Variants in CGAS observed in about 807,000 individuals in gnomAD.
CGAS encodes the protein cyclic GMP-AMP synthase.
In CGAS, 31 loss-of-function variants were observed where a neutral mutation model predicts 34.0. That is an observed-to-expected ratio of 0.91 (90% CI 0.69 to 1.23). The LOEUF is 1.23. Ranked by LOEUF, CGAS falls within the 50% of genes most tolerant of loss-of-function variation. The pLI is 0.00. For missense variants in CGAS, 597 were observed against 657.6 expected, an observed-to-expected ratio of 0.91 and a Z score of 1.01; for synonymous variants, 266 against 260.0, an observed-to-expected ratio of 1.02 and a Z score of -0.22.
At chr6:73,446,824 G>A (rs546625495) in intron 1 of CGAS, among the ~76,000 whole-genome samples, 1 of 151,334 alleles carries the variant, frequency 6.6e-6, no homozygotes, top group South Asian at 2.1e-4. Flanking sequence ...TTGGGAGGAC[G>A]AGGCAGGCGA....
chr6:73,437,840 G>T (rs1439597626), intron 3 of CGAS, among the ~76,000 whole-genome samples: 1 of 152,054 alleles, frequency 6.6e-6, no homozygotes, highest in African/African-American at 2.4e-5. Context: ...GATGGAGATG[G>T]GTGGATCACC....
intron 4 of CGAS, among the ~76,000 whole-genome samples, chr6:73,426,712 C>T (rs1313367546): frequency 1.3e-5 from 2 of 151,736 alleles, no homozygotes; most frequent in Non-Finnish European, 2.9e-5. Context: ...TTCTAAAATC[C>T]ACTGATTGTA....
Position 73,424,127 on chromosome 6 carries a change from T to C in CGAS, c.*1100A>G, listed in dbSNP as rs1177045269. 6.6e-6 allele frequency: 1 copy of C among 152,190 alleles called. No homozygotes were observed. Among genetic ancestry groups the C allele is most frequent in the Non-Finnish European group, 1.5e-5 (1 of 68,048 alleles). 9.4% of individuals were successfully genotyped at this position (152,190 alleles called of 1,614,324 possible). A position where few individuals can be genotyped will look rare whatever the true frequency, so the allele number is the denominator to read the frequency against. On this transcript the variant is annotated 3_prime_UTR_variant, in exon 5 of 5. Transcript: ENST00000370315. ...ACGTATATTAAAATAAAGTATCTTA[T>C]GTTTTCTTTTAAGATTATGTATTTC... is the stretch of plus-strand genomic sequence containing the variant.
At chr6:73,443,325 C>T (rs1391945079) in intron 2 of CGAS, among the ~76,000 whole-genome samples, 3 of 150,884 alleles carry the variant, frequency 2.0e-5, no homozygotes, top group African/African-American at 7.3e-5. Context: ...CTGCAACCTC[C>T]GCCTTCTGGG....
chr6:73,429,655 C>T (rs311671), intron 3 of CGAS, among the ~76,000 whole-genome samples: 78,503 of 151,294 alleles, frequency 0.52, 22,393 homozygotes, highest in Non-Finnish European at 0.66. Context: ...TGAAACCCTG[C>T]CTCTACCAAA....
chr6:73,436,335 C>T (rs1384565642), intron 3 of CGAS, among the ~76,000 whole-genome samples: 2 of 149,526 alleles, frequency 1.3e-5, no homozygotes, highest in African/African-American at 4.9e-5. Context: ...TTTTACCTGA[C>T]TTCTTTATCT....
chr6:73,445,459 A>G, intron 2 of CGAS, 69 bp downstream of exon 2: 1 of 1,104,822 alleles, frequency 9.1e-7, no homozygotes, highest in Non-Finnish European at 1.3e-6. Flanking sequence ...GAAACATGAG[A>G]ATGGGAGTGT....
chr6:73,436,888 C>T (rs1215739267), intron 3 of CGAS, among the ~76,000 whole-genome samples: 2 of 152,106 alleles, frequency 1.3e-5, no homozygotes, highest in East Asian at 1.9e-4. Flanking sequence ...CGGTGGCTCA[C>T]GCCTGTAATC....
intron 1 of CGAS, among the ~76,000 whole-genome samples, chr6:73,446,784 G>A (rs189086007): frequency 2.0e-5 from 3 of 147,536 alleles, no homozygotes; most frequent in African/African-American, 7.5e-5. Flanking sequence ...TCAGCCAGGC[G>A]CGGTGGCTCA....
chr6:73,443,597 C>A lies in CGAS; in HGVS notation c.877+1931G>T, dbSNP rs1235835070. On this transcript the variant is annotated intron_variant, in intron 2 of 4. Coordinates refer to ENST00000370315, the MANE Select transcript of CGAS (RefSeq NM_138441.3). The stretch of plus-strand genomic sequence containing the variant: ...CTCTACTTAACATTGCAACTTCCCC[C>A]CCACCTCCATCTCCCACATTCCTGA... Among the ~76,000 whole-genome samples the A allele has an allele frequency of 2.0e-5, 3 of 152,272 alleles. No individual in the cohort carries two copies. In the East Asian group the frequency reaches 5.8e-4, roughly 29 times the overall value.
Position 73,440,562 on chromosome 6 carries a change from A to G in CGAS, c.878-117T>C, listed in dbSNP as rs957306957. 1.0e-4 allele frequency: 97 copies of G among 926,540 alleles called. No individual in the cohort carries two copies. In the Middle Eastern group the frequency reaches 1.3e-3, roughly 12 times the overall value. The allele number at this position is 926,540 out of a possible 1,614,324, so 57.4% of individuals were successfully genotyped here. On this transcript the variant is annotated intron_variant, in intron 2 of 4. Transcript: ENST00000370315. ...CTGGTGTGCTAAGTATGAAGTAAACATTAGTGGTAAAACAGAAACTGGCTC... is the reference window on the plus strand; with the variant it reads ...CTGGTGTGCTAAGTATGAAGTAAACGTTAGTGGTAAAACAGAAACTGGCTC...
Position 73,445,382 on chromosome 6 carries a change from A to G in CGAS, c.877+146T>C, listed in dbSNP as rs1582656749. On this transcript the variant is annotated intron_variant, in intron 2 of 4. Transcript: ENST00000370315. ...GTAATCATATTATAAGTAATTGCCAATGTACACTCCTCTACTGATGTTTCT... is the reference window on the plus strand; with the variant it reads ...GTAATCATATTATAAGTAATTGCCAGTGTACACTCCTCTACTGATGTTTCT... The G allele has an allele frequency of 5.5e-5, 20 of 365,842 alleles. No homozygotes were observed. The South Asian group carries it at 8.0e-4, about 15-fold the overall frequency. The allele number at this position is 365,842 out of a possible 1,614,324, so 22.7% of individuals were successfully genotyped here.
intron 3 of CGAS, among the ~76,000 whole-genome samples, chr6:73,431,533 G>A (rs532013367): frequency 1.3e-5 from 2 of 152,154 alleles, no homozygotes; most frequent in African/African-American, 2.4e-5. Flanking sequence ...CATGCTAAAC[G>A]ACACTTCTAG....
chr6:73,435,200 C>A (rs1011062192), intron 3 of CGAS, among the ~76,000 whole-genome samples: 1 of 152,004 alleles, frequency 6.6e-6, no homozygotes, highest in Non-Finnish European at 1.5e-5. Flanking sequence ...TGGGGTTATA[C>A]GGGAACTCTC....
At position 73,451,648 on chromosome 6, in the gene CGAS, A is replaced by G. The variant is rs1561932874; in HGVS notation, c.534T>C (p.Asp178=). 1.2e-6 allele frequency: 2 copies of G among 1,614,108 alleles called. No individual in the cohort carries two copies. The highest frequency in any genetic ancestry group is 3.3e-5 in the Admixed American group (2 of 60,008). The change falls in exon 1 of 5, where the codon GAT becomes GAC. Residue 178 remains aspartate (D), a synonymous_variant. Coordinates refer to ENST00000370315, the MANE Select transcript of CGAS (RefSeq NM_138441.3). ...TCACCATCCCCGCCGCCGTGGAGATATCATCGCGGCTGAGCTTCAACTTCT... is the reference window on the plus strand; with the variant it reads ...TCACCATCCCCGCCGCCGTGGAGATGTCATCGCGGCTGAGCTTCAACTTCT... The part of the protein sequence containing the change: ...VLEKLKLSRD[D]ISTAAGMVKG...
intron 3 of CGAS, among the ~76,000 whole-genome samples, chr6:73,431,131 CA>C (rs994922307): frequency 2.7e-5 from 4 of 147,934 alleles, no homozygotes; most frequent in African/African-American, 5.0e-5. Flanking sequence ...AAAAAACAAA[CA>C]AAAAAAAACA....
At chr6:73,429,198 AAAAG>A (rs944728952) in intron 3 of CGAS, among the ~76,000 whole-genome samples, 4 of 151,878 alleles carry the variant, frequency 2.6e-5, no homozygotes, top group South Asian at 2.1e-4. Context: ...CAAAAAAAAA[AAAAG>A]AAAGAAAGAA....
chr6:73,439,085 T>G (rs1280803994), intron 3 of CGAS, among the ~76,000 whole-genome samples: 1 of 152,212 alleles, frequency 6.6e-6, no homozygotes, highest in Non-Finnish European at 1.5e-5. Flanking sequence ...TGACTATTTC[T>G]GGGCTTTTTT....
At chr6:73,445,837 T>G in intron 1 of CGAS, 90 bp from the exon 2 acceptor site, 1 of 985,222 alleles carries the variant, frequency 1.0e-6, no homozygotes, top group South Asian at 1.7e-5. Context: ...ACTTAAAACT[T>G]TACTTTAAAA....
Sources: allele counts gnomAD v4.1 joint callset (sites outside exome capture counted in the v4.1 genomes callset), GRCh38; gene constraint gnomAD v4.1.1; transcripts MANE v1.5; gene names NCBI Gene and HGNC (gene_info 2026-07-23, HGNC 2026-07-21).